Variants in ZBTB5 observed in about 807,000 individuals in gnomAD.
ZBTB5 encodes the protein zinc finger and BTB domain-containing protein 5.
A neutral mutation model predicts 37.9 loss-of-function variants in ZBTB5; 15 were observed. The observed-to-expected ratio is 0.40, with a 90% CI of 0.26 to 0.61. The LOEUF (loss-of-function observed/expected upper bound fraction) is 0.61, where lower values mean the gene tolerates loss of function less well. ZBTB5 is among the 20% of genes least tolerant of loss of function. The probability of loss-of-function intolerance (pLI) is 0.47; values close to 1 mark genes in which losing one functional copy is unlikely to be tolerated. For missense variants in ZBTB5, 708 were observed against 856.8 expected (o/e 0.83, Z 2.17); for synonymous variants, 315 against 312.4 (o/e 1.01, Z -0.09).
rs1010006752 is a variant in ZBTB5 at position 37,441,953 on chromosome 9, C to T, written c.599G>A (p.Arg200Gln). 12 of 1,613,994 alleles carry T rather than the reference C, an allele frequency of 7.4e-6. No homozygotes were observed. Among genetic ancestry groups the T allele is most frequent in the Admixed American group, 1.7e-5 (1 of 60,024 alleles). Residue 200 changes from arginine (R) to glutamine (Q), a missense_variant, in exon 2 of 2, where the codon CGG becomes CAG. Physicochemically the swap from Arg to Gln is conservative, Grantham distance 43 (BLOSUM62 1). This residue lies in a region of ZBTB5 where 639 missense variants were observed against 690.5 expected (regional missense o/e 0.93). Transcript: ENST00000307750. The stretch of plus-strand genomic sequence containing the variant: ...GGAGGGTCGGAGGCGCTGCCTGGCC[C>T]GCTCCTCTGCAGACTGCTTGCGCTT... The part of the protein sequence containing the change: ...LHKRKQSAEE[R>Q]ARQRLRPSID...
intron 1 of ZBTB5, among the ~76,000 whole-genome samples, chr9:37,458,575 TAA>T (rs964845214): frequency 6.6e-6 from 1 of 152,224 alleles, no homozygotes; most frequent in Admixed American, 6.5e-5. Flanking sequence ...TTATTGCCAA[TAA>T]AAAAGTTTGA....
intron 1 of ZBTB5, among the ~76,000 whole-genome samples, chr9:37,461,597 C>T (rs1473996145): frequency 6.6e-6 from 1 of 152,096 alleles, no homozygotes; most frequent in Non-Finnish European, 1.5e-5. Context: ...GGCATGGTGG[C>T]ACGAGCTGTA....
Position 37,452,324 on chromosome 9 carries a change from G to C in ZBTB5, c.-4-9769C>G, listed in dbSNP as rs145919707. Among the ~76,000 whole-genome samples, 297 of 152,230 alleles carry C rather than the reference G, an allele frequency of 2.0e-3. 2 individuals are homozygous for C. Among genetic ancestry groups the C allele is most frequent in the African/African-American group, 6.8e-3 (283 of 41,534 alleles). On this transcript the variant is annotated intron_variant, in intron 1 of 1. Transcript: ENST00000307750. Reference sequence around the variant, plus strand: ...GAAGCATAACTCACAGTAAAAATGGGGTCATGAGTTAAACCAAATGCAGCA... The same window carrying C: ...GAAGCATAACTCACAGTAAAAATGGCGTCATGAGTTAAACCAAATGCAGCA...
At position 37,441,230 on chromosome 9, in the gene ZBTB5, T is replaced by C; in HGVS notation, c.1322A>G (p.Glu441Gly). The change falls in exon 2 of 2, where the codon GAG becomes GGG. Residue 441 changes from glutamate to glycine, a missense_variant. Transcript: ENST00000307750. ...IPNTTSDCRL[E>G]SEAPYLLSPE... ...ACTCAACAAATAGGGGGCCTCACTC[T>C]CCAGCCTGCAGTCACTAGTGGTGTT... 2 of 1,614,192 alleles carry C rather than the reference T, an allele frequency of 1.2e-6. No individual in the cohort carries two copies. The highest frequency in any genetic ancestry group is 3.3e-4 in the Middle Eastern group (2 of 6,062).
intron 1 of ZBTB5, among the ~76,000 whole-genome samples, chr9:37,446,609 G>C (rs557038224): frequency 1.3e-5 from 2 of 152,168 alleles, no homozygotes; most frequent in African/African-American, 4.8e-5. Flanking sequence ...GATCTCCAAA[G>C]ATGCAGCCAC....
At position 37,438,859 on chromosome 9, in the gene ZBTB5, T is replaced by G. The variant is rs530393493; in HGVS notation, c.*1659A>C. On this transcript the variant is annotated 3_prime_UTR_variant, in exon 2 of 2. Transcript: ENST00000307750. Reference sequence around the variant, plus strand: ...ATCTACTCGAAAGGAATCGTGGGTTTCCCTTTGGGCTTTTCTTCCTGGGAA... The same window carrying G: ...ATCTACTCGAAAGGAATCGTGGGTTGCCCTTTGGGCTTTTCTTCCTGGGAA... The G allele has an allele frequency of 3.3e-5, 5 of 152,254 alleles. No individual in the cohort carries two copies. The highest frequency in any genetic ancestry group is 7.3e-5 in the Non-Finnish European group (5 of 68,054). The allele number at this position is 152,254 out of a possible 1,614,324, so 9.4% of individuals were successfully genotyped here. A position where few individuals can be genotyped will look rare whatever the true frequency, so the allele number is the denominator to read the frequency against.
intron 1 of ZBTB5, among the ~76,000 whole-genome samples, chr9:37,458,214 A>C (rs920360030): frequency 1.2e-4 from 18 of 152,256 alleles, no homozygotes; most frequent in Admixed American, 1.2e-3. Context: ...TCTGTGCTGA[A>C]CACAGCTACT....
intron 1 of ZBTB5, among the ~76,000 whole-genome samples, chr9:37,461,908 G>C (rs998834185): frequency 1.3e-5 from 2 of 152,062 alleles, no homozygotes; most frequent in Non-Finnish European, 2.9e-5. Flanking sequence ...TATCACGCTC[G>C]ATAGGCTTCT....
At chr9:37,455,569 C>T (rs1252570277) in intron 1 of ZBTB5, among the ~76,000 whole-genome samples, 1 of 152,168 alleles carries the variant, frequency 6.6e-6, no homozygotes, top group African/African-American at 2.4e-5. Flanking sequence ...TAGATGCCAC[C>T]GTGGGGCCAG....
At chr9:37,464,860 C>T (rs2118967558) in intron 1 of ZBTB5, among the ~76,000 whole-genome samples, 1 of 152,324 alleles carries the variant, frequency 6.6e-6, no homozygotes, top group South Asian at 2.1e-4. Context: ...GCCGTCCGAC[C>T]ACATCCCGCA....
intron 1 of ZBTB5, among the ~76,000 whole-genome samples, chr9:37,450,295 A>C (rs1418272354): frequency 6.6e-6 from 1 of 152,096 alleles, no homozygotes; most frequent in Admixed American, 6.6e-5. Context: ...TATTTACCCC[A>C]GACAACGAAG....
chr9:37,439,811 A>G lies in ZBTB5; in HGVS notation c.*707T>C, dbSNP rs1404496505. 1 of 152,532 alleles carries G rather than the reference A, an allele frequency of 6.6e-6. No individual in the cohort carries two copies. Among genetic ancestry groups the G allele is most frequent in the Non-Finnish European group, 1.5e-5 (1 of 68,118 alleles). The allele number at this position is 152,532 out of a possible 1,614,324, so 9.4% of individuals were successfully genotyped here. A position where few individuals can be genotyped will look rare whatever the true frequency, so the allele number is the denominator to read the frequency against. The stretch of plus-strand genomic sequence containing the variant: ...GGGAAACAATACCTTGTCACTCTCT[A>G]CAAGTACACACTCCATTTACAATTT... On this transcript the variant is annotated 3_prime_UTR_variant, in exon 2 of 2. Coordinates refer to ENST00000307750, the MANE Select transcript of ZBTB5 (RefSeq NM_014872.3).
In ZBTB5 at chr9:37,440,511, C is replaced by T. The variant is rs780406941; in HGVS notation, c.*7G>A. On this transcript the variant is annotated 3_prime_UTR_variant, in exon 2 of 2. Coordinates refer to ENST00000307750, the MANE Select transcript of ZBTB5 (RefSeq NM_014872.3). ...TGGCCTCAGCGTTGTCTTGTAAGGA[C>T]AAACAGCTAGAGCAAAGTGCTGGGA... 1.2e-6 allele frequency: 2 copies of T among 1,612,514 alleles called. No individual in the cohort carries two copies. Among genetic ancestry groups the T allele is most frequent in the African/African-American group, 2.7e-5 (2 of 74,892 alleles).
intron 1 of ZBTB5, among the ~76,000 whole-genome samples, chr9:37,446,090 G>A (rs1823973005): frequency 6.6e-6 from 1 of 152,162 alleles, no homozygotes; most frequent in African/African-American, 2.4e-5. Context: ...CTGGGCGACA[G>A]AGCAAGTCTC....
At chr9:37,443,641 A>C (rs896919161) in intron 1 of ZBTB5, among the ~76,000 whole-genome samples, 9 of 152,206 alleles carry the variant, frequency 5.9e-5, no homozygotes, top group Non-Finnish European at 1.2e-4. Flanking sequence ...ACAAAAACAA[A>C]AAAACACCAG....
intron 1 of ZBTB5, among the ~76,000 whole-genome samples, chr9:37,461,336 TTGAC>T (rs1418332919): frequency 2.6e-5 from 4 of 152,208 alleles, no homozygotes; most frequent in Non-Finnish European, 2.9e-5. Flanking sequence ...TAAATTATAA[TTGAC>T]TAAGATGTAC....
chr9:37,462,208 G>A (rs901888556), intron 1 of ZBTB5, among the ~76,000 whole-genome samples: 2 of 152,038 alleles, frequency 1.3e-5, no homozygotes, highest in Non-Finnish European at 2.9e-5. Context: ...GTAACACTAG[G>A]AAAAAAACTG....
chr9:37,451,929 G>A (rs943498812), intron 1 of ZBTB5, among the ~76,000 whole-genome samples: 3 of 152,164 alleles, frequency 2.0e-5, no homozygotes, highest in African/African-American at 7.2e-5. Context: ...TCAAAAGGCC[G>A]ATCTGAGGTT....
chr9:37,439,031 A>T lies in ZBTB5; in HGVS notation c.*1487T>A, dbSNP rs1048091629. On this transcript the variant is annotated 3_prime_UTR_variant, in exon 2 of 2. Transcript: ENST00000307750. ...AGCTTTCTAAACACAAAAACTGAAT[A>T]ATTTATCTGATTTATGAATGATGGT... 2 of 152,246 alleles carry T rather than the reference A, an allele frequency of 1.3e-5. No individual in the cohort carries two copies. Among genetic ancestry groups the T allele is most frequent in the African/African-American group, 4.8e-5 (2 of 41,468 alleles). The allele number at this position is 152,246 out of a possible 1,614,324, so 9.4% of individuals were successfully genotyped here.
Sources: allele counts gnomAD v4.1 joint callset (sites outside exome capture counted in the v4.1 genomes callset), GRCh38; gene constraint gnomAD v4.1.1; regional missense constraint gnomAD v4.1.1; transcripts MANE v1.5; gene names NCBI Gene and HGNC (gene_info 2026-07-23, HGNC 2026-07-21).